Variants in DHCR7 observed in about 807,000 individuals in gnomAD.
DHCR7 encodes 7-DHC reductase.
A neutral mutation model predicts 43.3 loss-of-function variants in DHCR7; 40 were observed. The ratio of observed to expected loss-of-function variants is 0.92; its 90% CI spans 0.72 to 1.20. The LOEUF is 1.20. Among genes scored for constraint, DHCR7 ranks in the 50% most tolerant of loss-of-function variants. The probability of loss-of-function intolerance (pLI) is 0.00; values close to 1 mark genes in which losing one functional copy is unlikely to be tolerated. For synonymous variants in DHCR7, 298 were observed against 271.4 expected (o/e 1.10, Z -0.96); for missense variants, 608 against 644.6 (o/e 0.94, Z 0.62).
Position 71,435,415 on chromosome 11 carries a change from G to C in DHCR7, c.1388C>G (p.Thr463Ser). The change falls in exon 9 of 9, where the codon ACC becomes AGC. Residue 463 changes from threonine to serine, a missense_variant. By Grantham distance (58) the Thr-to-Ser change is moderately conservative. Coordinates refer to ENST00000355527, the MANE Select transcript of DHCR7 (RefSeq NM_001360.3). ...SKYGRDWERY[T>S]AAVPYRLLPG... Reference sequence around the variant, plus strand: ...CAGCAGGCGGTAAGGCACTGCGGCGGTGTAGCGCTCCCAGTCCCGGCCGTA... The same window carrying C: ...CAGCAGGCGGTAAGGCACTGCGGCGCTGTAGCGCTCCCAGTCCCGGCCGTA... 6.2e-7 allele frequency: 1 copy of C among 1,612,642 alleles called. No homozygotes were observed.
At chr11:71,432,355 C>T (rs1591105493), downstream of DHCR7, among the ~76,000 whole-genome samples, 1 of 152,200 alleles carries the variant, frequency 6.6e-6, no homozygotes, top group East Asian at 1.9e-4. Context: ...TAACTTTCCT[C>T]CCTCTAATTA....
chr11:71,445,120 T>A (rs1949392625), intron 2 of DHCR7, among the ~76,000 whole-genome samples, 162 bp from the exon 3 acceptor site: 1 of 152,226 alleles, frequency 6.6e-6, no homozygotes, highest in Non-Finnish European at 1.5e-5. Context: ...GAAGAGATCA[T>A]CTTGTCTTAG....
intron 4 of DHCR7, 33 bp from the exon 5 acceptor site, chr11:71,442,386 C>T (rs1322476692): frequency 6.6e-7 from 1 of 1,512,380 alleles, no homozygotes; most frequent in African/African-American, 1.4e-5. Context: ...TCACCCCCCG[C>T]CTGGAGGGCA....
At chr11:71,440,104 T>C (rs1413464837) in intron 6 of DHCR7, among the ~76,000 whole-genome samples, 3 of 150,582 alleles carry the variant, frequency 2.0e-5, no homozygotes, top group Non-Finnish European at 3.0e-5. Flanking sequence ...GGATATATGA[T>C]AGGCAGGGTT....
Position 71,434,898 on chromosome 11 carries a change from T to G in DHCR7, c.*477A>C, listed in dbSNP as rs1949254305. On this transcript the variant is annotated 3_prime_UTR_variant, in exon 9 of 9. Coordinates refer to ENST00000355527, the MANE Select transcript of DHCR7 (RefSeq NM_001360.3). ...ACGGCGCACGGGCCCCACCCACGAC[T>G]GCAGAGCAGGCAGGGGAGGGGGATC... 2.8e-6 allele frequency: 1 copy of G among 358,050 alleles called. No individual in the cohort carries two copies. Among genetic ancestry groups the G allele is most frequent in the East Asian group, 7.4e-5 (1 of 13,522 alleles). The allele number at this position is 358,050 out of a possible 1,614,324, so 22.2% of individuals were successfully genotyped here.
At chr11:71,439,928 C>T (rs1158613125) in intron 6 of DHCR7, among the ~76,000 whole-genome samples, 4 of 152,186 alleles carry the variant, frequency 2.6e-5, no homozygotes, top group African/African-American at 4.8e-5. Context: ...AGGTGTAAAC[C>T]ACACTGGGGT....
chr11:71,435,519 C>T lies in DHCR7; in HGVS notation c.1284G>A (p.Leu428=), dbSNP rs746928218. ...CCATGTAGATGATGTAGAAGTAGGG[C>T]AGCAGGTGGCCGCCGCCACAGGCCA... ...YCLACGGGHL[L]PYFYIIYMAI... The change falls in exon 9 of 9, where the codon CTG becomes CTA. Residue 428 remains leucine (L), a synonymous_variant. Transcript: ENST00000355527. 3 of 1,611,344 alleles carry T rather than the reference C, an allele frequency of 1.9e-6. No individual in the cohort carries two copies. The Admixed American group carries it at 5.0e-5, about 27-fold the overall frequency.
At chr11:71,438,699 C>A (rs1949315462) in intron 7 of DHCR7, 180 bp downstream of exon 7, 3 of 681,476 alleles carry the variant, frequency 4.4e-6, no homozygotes, top group Admixed American at 4.4e-5. Context: ...CAGAGACAGG[C>A]ACCCAAGGAT....
At chr11:71,438,796 G>T in intron 7 of DHCR7, 83 bp downstream of exon 7, 4 of 1,413,690 alleles carry the variant, frequency 2.8e-6, no homozygotes, top group Non-Finnish European at 4.0e-6. Context: ...GTAGATTAAG[G>T]TCATGGGAAT....
chr11:71,446,343 C>A (rs905894781), intron 2 of DHCR7, among the ~76,000 whole-genome samples: 1 of 148,262 alleles, frequency 6.7e-6, no homozygotes, highest in Non-Finnish European at 1.5e-5. Context: ...AAAAAGAAAC[C>A]AAGCCATTAT....
chr11:71,444,488 C>G (rs1949385086), intron 3 of DHCR7, among the ~76,000 whole-genome samples: 1 of 152,220 alleles, frequency 6.6e-6, no homozygotes, highest in Admixed American at 6.5e-5. Context: ...TCACAACCAC[C>G]AAGGCCAGTG....
Position 71,437,899 on chromosome 11 carries a change from C to T in DHCR7, c.876G>A (p.Leu292=). 1 of 1,613,994 alleles carries T rather than the reference C, an allele frequency of 6.2e-7. No individual in the cohort carries two copies. The highest frequency in any genetic ancestry group is 8.5e-7 in the Non-Finnish European group (1 of 1,180,032). The change falls in exon 8 of 9, where the codon CTG becomes CTA. Residue 292 remains leucine (L), a synonymous_variant. Coordinates refer to ENST00000355527, the MANE Select transcript of DHCR7 (RefSeq NM_001360.3). ...IDFFWNETWY[L]KTIDICHDHF... ...GGTCATGGCAGATGTCAATGGTCTT[C>T]AGGTACCAGGTTTCGTTCCAGAAGA...
Position 71,442,251 on chromosome 11 carries a change from G to A in DHCR7, c.412+12C>T. 6.2e-7 allele frequency: 1 copy of A among 1,604,854 alleles called. No homozygotes were observed. Among genetic ancestry groups the A allele is most frequent in the South Asian group, 1.1e-5 (1 of 90,380 alleles). On this transcript the variant is annotated intron_variant, in intron 5 of 8. Transcript: ENST00000355527. Reference sequence around the variant, plus strand: ...AACGGGAGCCTGGGGAGGGTGGAAGGGAGGAGGCTACCTGCAGGAGTCACG... The same window carrying A: ...AACGGGAGCCTGGGGAGGGTGGAAGAGAGGAGGCTACCTGCAGGAGTCACG...
chr11:71,441,360 G>A lies in DHCR7; in HGVS notation c.493C>T (p.Leu165=). 1 of 1,614,238 alleles carries A rather than the reference G, an allele frequency of 6.2e-7. No individual in the cohort carries two copies. Among genetic ancestry groups the A allele is most frequent in the Non-Finnish European group, 8.5e-7 (1 of 1,180,038 alleles). ...HLLWFANAHL[L]SWFSPTIIFD... is the part of the protein sequence containing the mutation. ...ATGATGGTGGGCGAGAACCAGGACA[G>A]GAGATGAGCGTTTGCAAACCAGAGC... The change falls in exon 6 of 9, where the codon CTG becomes TTG. Residue 165 remains leucine, a synonymous_variant. Transcript: ENST00000355527.
intron 6 of DHCR7, among the ~76,000 whole-genome samples, chr11:71,440,823 G>A (rs1949340752): frequency 6.6e-6 from 1 of 152,082 alleles, no homozygotes; most frequent in African/African-American, 2.4e-5. Context: ...AGCCAGCAGG[G>A]CTCTCCTGGG....
At chr11:71,437,724 G>A (rs1409154124) in intron 8 of DHCR7, 88 bp downstream of exon 8, 6 of 1,574,542 alleles carry the variant, frequency 3.8e-6, no homozygotes, top group East Asian at 2.3e-5. Flanking sequence ...CAGCTTTGGT[G>A]CCCCCAAGGA....
Position 71,435,299 on chromosome 11 carries a change from C to A in DHCR7, c.*76G>T. 6.7e-7 allele frequency: 1 copy of A among 1,497,760 alleles called. No individual in the cohort carries two copies. Among genetic ancestry groups the A allele is most frequent in the Non-Finnish European group, 9.2e-7 (1 of 1,085,088 alleles). 92.8% of individuals were successfully genotyped at this position (1,497,760 alleles called of 1,614,324 possible). A position where few individuals can be genotyped will look rare whatever the true frequency, so the allele number is the denominator to read the frequency against. On this transcript the variant is annotated 3_prime_UTR_variant, in exon 9 of 9. Coordinates refer to ENST00000355527, the MANE Select transcript of DHCR7 (RefSeq NM_001360.3). ...GAAACTGAGGCTCCTCGAGTTGGAGCTGGGATGCCAGCCCCCATGGACCTG... is the reference window on the plus strand; with the variant it reads ...GAAACTGAGGCTCCTCGAGTTGGAGATGGGATGCCAGCCCCCATGGACCTG...
chr11:71,441,222 C>T lies in DHCR7; in HGVS notation c.626+5G>A. On this transcript the variant is annotated splice_donor_5th_base_variant and intron_variant, in intron 6 of 8. Coordinates refer to ENST00000355527, the MANE Select transcript of DHCR7 (RefSeq NM_001360.3). ...ATCAGGCTGGACCCGCTGCTAAGAA[C>T]ATACCAGTCTCTGGCGCTGGTGGGG... is the stretch of plus-strand genomic sequence containing the variant. The T allele has an allele frequency of 1.2e-6, 2 of 1,614,132 alleles. No individual in the cohort carries two copies. The highest frequency in any genetic ancestry group is 1.7e-6 in the Non-Finnish European group (2 of 1,179,926).
intron 6 of DHCR7, among the ~76,000 whole-genome samples, chr11:71,439,494 G>C (rs1949326462): frequency 6.6e-6 from 1 of 152,238 alleles, no homozygotes; most frequent in South Asian, 2.1e-4. Flanking sequence ...CAAGCACACG[G>C]TTTGAAGCCG....
Sources: allele counts gnomAD v4.1 joint callset (sites outside exome capture counted in the v4.1 genomes callset), GRCh38; gene constraint gnomAD v4.1.1; transcripts MANE v1.5; gene names NCBI Gene and HGNC (gene_info 2026-07-23, HGNC 2026-07-21).